CCDC178: variants seen among roughly 807,000 people sequenced by gnomAD.
CCDC178 encodes coiled-coil domain-containing protein 178.
In CCDC178, 126 loss-of-function variants were observed where a neutral mutation model predicts 117.4. The observed-to-expected ratio is 1.07, with a 90% CI of 0.93 to 1.24. CCDC178 has a LOEUF of 1.24. Among genes scored for constraint, CCDC178 ranks in the 50% most tolerant of loss-of-function variants. The probability of loss-of-function intolerance (pLI) is 0.00; values close to 1 mark genes in which losing one functional copy is unlikely to be tolerated. For synonymous variants in CCDC178, 283 were observed against 313.4 expected (o/e 0.90, Z 1.02); for missense variants, 1,030 against 986.9 (o/e 1.04, Z -0.59).
At chr18:33,331,816 A>T (rs2062673437) in intron 10 of CCDC178, among the ~76,000 whole-genome samples, 1 of 152,184 alleles carries the variant, frequency 6.6e-6, no homozygotes. Context: ...GATGTTATCT[A>T]ATAAAATAGT....
In CCDC178 at chr18:33,245,416, T is replaced by C. The variant is rs1182412570; in HGVS notation, c.1422A>G (p.Lys474=). 1.3e-6 allele frequency: 2 copies of C among 1,558,966 alleles called. No homozygotes were observed. The highest frequency in any genetic ancestry group is 1.9e-5 in the Admixed American group (1 of 51,918). ...TVKTNESIRK[K]SKYESEIKYL... ...ATTTTATTTCAGATTCGTATTTTGATTTTTTCCGTATGCTGTAAAAGTAAA... is the reference window on the plus strand; with the variant it reads ...ATTTTATTTCAGATTCGTATTTTGACTTTTTCCGTATGCTGTAAAAGTAAA... The change falls in exon 15 of 23, where the codon AAA becomes AAG. Residue 474 remains lysine (K), a synonymous_variant. Transcript: ENST00000383096.
At chr18:33,296,911 C>T (rs2062112671) in intron 11 of CCDC178, among the ~76,000 whole-genome samples, 1 of 152,076 alleles carries the variant, frequency 6.6e-6, no homozygotes, top group South Asian at 2.1e-4. Flanking sequence ...GTAATCCCAC[C>T]TACTCGGGAG....
intron 2 of CCDC178, among the ~76,000 whole-genome samples, chr18:33,426,390 T>C (rs960113568): frequency 6.6e-6 from 1 of 152,210 alleles, no homozygotes; most frequent in Non-Finnish European, 1.5e-5. Context: ...AAGGAATCCA[T>C]CAATTTGACC....
At chr18:32,985,299 TA>T (rs1163636948) in intron 21 of CCDC178, among the ~76,000 whole-genome samples, 1 of 151,976 alleles carries the variant, frequency 6.6e-6, no homozygotes, top group African/African-American at 2.4e-5. Context: ...CAAATGTAAA[TA>T]AAATACGCCA....
At chr18:32,971,495 T>C (rs956053811) in intron 22 of CCDC178, among the ~76,000 whole-genome samples, 1 of 152,208 alleles carries the variant, frequency 6.6e-6, no homozygotes, top group Non-Finnish European at 1.5e-5. Flanking sequence ...CATGTGCATA[T>C]GTCTTTATAG....
chr18:33,179,084 T>C (rs1171686220), intron 20 of CCDC178, among the ~76,000 whole-genome samples: 1 of 77,972 alleles, frequency 1.3e-5, no homozygotes, highest in African/African-American at 8.0e-5. Context: ...AAAAAATATA[T>C]ATATATATAT....
intron 2 of CCDC178, among the ~76,000 whole-genome samples, chr18:33,416,363 C>G (rs549054929): frequency 1.8e-4 from 27 of 151,502 alleles, no homozygotes; most frequent in Non-Finnish European, 3.8e-4. Flanking sequence ...GACGGCGGAG[C>G]TTGCGGTGAG....
At chr18:32,941,461 G>C (rs542865627) in intron 22 of CCDC178, among the ~76,000 whole-genome samples, 1 of 152,020 alleles carries the variant, frequency 6.6e-6, no homozygotes, top group Non-Finnish European at 1.5e-5. Flanking sequence ...TTGGAAAGAG[G>C]AGCCCATTTT....
In CCDC178 at chr18:33,310,872, A is replaced by G. The variant is rs1039404263; in HGVS notation, c.1022+12619T>C. On this transcript the variant is annotated intron_variant, in intron 11 of 22. Transcript: ENST00000383096. Reference sequence around the variant, plus strand: ...CAGGCAACACTTTCCCTGCCTACCAATCGCCCTTGGACTCCTCTCAGGGAG... The same window carrying G: ...CAGGCAACACTTTCCCTGCCTACCAGTCGCCCTTGGACTCCTCTCAGGGAG... 3.3e-5 allele frequency among the ~76,000 whole-genome samples: 5 copies of G among 152,108 alleles called. No individual in the cohort carries two copies. The South Asian group carries it at 6.2e-4, about 19-fold the overall frequency.
chr18:33,178,706 T>C (rs1329487069), intron 20 of CCDC178, among the ~76,000 whole-genome samples: 1 of 152,080 alleles, frequency 6.6e-6, no homozygotes, highest in Non-Finnish European at 1.5e-5. Context: ...GTTATCTTTG[T>C]CAATAAGTGC....
intron 20 of CCDC178, among the ~76,000 whole-genome samples, chr18:33,187,128 A>AGAGAGAGAGAGAGAG (rs2058805711): frequency 6.7e-6 from 1 of 148,276 alleles, no homozygotes; most frequent in African/African-American, 2.5e-5. Flanking sequence ...TGAGAGAGAG[A>AGAGAGAGAGAGAGAG]ACTGCCAAAC....
intron 21 of CCDC178, among the ~76,000 whole-genome samples, chr18:32,981,690 G>C (rs557635817): frequency 1.3e-5 from 2 of 152,026 alleles, no homozygotes; most frequent in Admixed American, 6.6e-5. Flanking sequence ...TATAAAAATG[G>C]CTTTTTGTAC....
At chr18:32,997,720 G>C (rs1006136168) in intron 21 of CCDC178, among the ~76,000 whole-genome samples, 4 of 151,588 alleles carry the variant, frequency 2.6e-5, no homozygotes, top group Non-Finnish European at 5.9e-5. Flanking sequence ...CTATCTATCT[G>C]TCTGACTATT....
intron 2 of CCDC178, among the ~76,000 whole-genome samples, chr18:33,412,487 T>A (rs1418163749): frequency 1.3e-5 from 2 of 151,900 alleles, no homozygotes; most frequent in Non-Finnish European, 2.9e-5. Context: ...TATCTCTTCT[T>A]TACCTTCCTT....
intron 21 of CCDC178, among the ~76,000 whole-genome samples, chr18:33,084,495 C>T (rs2057346198): frequency 6.6e-6 from 1 of 151,888 alleles, no homozygotes; most frequent in Non-Finnish European, 1.5e-5. Context: ...TATATGTGTT[C>T]TAATTGGTGT....
chr18:33,054,278 A>G (rs960739119), intron 21 of CCDC178, among the ~76,000 whole-genome samples: 1 of 152,110 alleles, frequency 6.6e-6, no homozygotes, highest in African/African-American at 2.4e-5. Context: ...TCAACTTTTT[A>G]TTCTAAGTTC....
intron 15 of CCDC178, among the ~76,000 whole-genome samples, chr18:33,243,288 A>T (rs1208684375): frequency 6.6e-6 from 1 of 151,818 alleles, no homozygotes; most frequent in African/African-American, 2.4e-5. Flanking sequence ...TTTTTAAAGG[A>T]TGCTAAATGA....
At chr18:33,310,182 A>G (rs189052570) in intron 11 of CCDC178, among the ~76,000 whole-genome samples, 216 of 152,066 alleles carry the variant, frequency 1.4e-3, no homozygotes, top group South Asian at 2.7e-3. Context: ...GATGGTCTCA[A>G]TCTCCTGACC....
intron 11 of CCDC178, among the ~76,000 whole-genome samples, chr18:33,318,296 C>G (rs1026028453): frequency 2.0e-5 from 3 of 152,088 alleles, no homozygotes; most frequent in Non-Finnish European, 2.9e-5. Context: ...GTGGCTTTGT[C>G]AGTAAAATGA....
Sources: gnomAD v4.1 joint callset for allele counts (sites outside exome capture counted in the v4.1 genomes callset) on GRCh38, gnomAD v4.1.1 for gene constraint, MANE v1.5 for transcripts, NCBI Gene and HGNC (gene_info 2026-07-23, HGNC 2026-07-21) for gene names.